Variants in ANKRD60 observed in about 807,000 individuals in gnomAD.
ANKRD60 encodes ankyrin repeat domain 60, also known as ankyrin repeat domain-containing protein 60.
ANKRD60 carries 24 observed loss-of-function variants against 21.3 expected under a neutral mutation model. That is an observed-to-expected ratio of 1.13 (90% CI 0.82 to 1.59). The LOEUF is 1.59. Ranked by LOEUF, ANKRD60 falls within the 40% of genes most tolerant of loss-of-function variation. The pLI is 0.00. For missense variants in ANKRD60, 490 were observed against 466.7 expected (o/e 1.05, Z -0.46); for synonymous variants, 182 against 199.4 (o/e 0.91, Z 0.74).
At chr20:58,220,283 T>C (rs1331554805) in intron 3 of ANKRD60, among the ~76,000 whole-genome samples, 1 of 152,198 alleles carries the variant, frequency 6.6e-6, no homozygotes, top group Non-Finnish European at 1.5e-5. Context: ...TTCTCCATTG[T>C]TCTTGAGGGT....
At chr20:58,218,905 G>T in intron 3 of ANKRD60, 100 bp from the exon 4 acceptor site, 1 of 1,121,226 alleles carries the variant, frequency 8.9e-7, no homozygotes, top group Non-Finnish European at 1.2e-6. Context: ...AGGTCCTGCT[G>T]CCTGGCCCAG....
In ANKRD60 at chr20:58,226,192, C is replaced by T. The variant is rs140318058; in HGVS notation, c.430+2032G>A. Among the ~76,000 whole-genome samples the T allele has an allele frequency of 8.1e-3, 1,240 of 152,228 alleles. 20 individuals carry two copies. Among genetic ancestry groups the T allele is most frequent in the African/African-American group, 0.029 (1,185 of 41,528 alleles). ...AGATAGCAGCATTTGCTTTGAGACT[C>T]GGGTTCCTGTGAGGGCAGTTTACTC... On this transcript the variant is annotated intron_variant, in intron 1 of 3. Coordinates refer to ENST00000457363, the Ensembl canonical transcript of ANKRD60.
At chr20:58,220,489 CAGAGAGAGAGAGAGAGAG>C (rs11469843) in intron 3 of ANKRD60, among the ~76,000 whole-genome samples, 3 of 144,266 alleles carry the variant, frequency 2.1e-5, no homozygotes, top group South Asian at 2.3e-4. Context: ...TCAAGAGAGC[CAGAGAGAGAGAGAGAGAG>C]AGAGAGAGAG....
At chr20:58,216,659 C>T (rs746959525), downstream of ANKRD60, among the ~76,000 whole-genome samples, 1 of 152,176 alleles carries the variant, frequency 6.6e-6, no homozygotes, top group Non-Finnish European at 1.5e-5. Context: ...TGGGTACAGC[C>T]ACGTACACTG....
rs372216633 is a variant in ANKRD60, at chr20:58,228,187, T to C, written c.430+37A>G. On this transcript the variant is annotated intron_variant, in intron 1 of 3. Transcript: ENST00000457363. The surrounding 1 kb of genome is among the most constrained non-coding windows in gnomAD (Gnocchi z 5.3). ...ACTTCAGAAGTGGACAGGGTGCCCT[T>C]GCATGTGGCCAGGGAAGGAGTCAGG... 1.5e-4 allele frequency: 220 copies of C among 1,509,008 alleles called. 1 individual carries two copies. The African/African-American group carries it at 2.9e-3, about 20-fold the overall frequency. The allele number at this position is 1,509,008 out of a possible 1,614,324, so 93.5% of individuals were successfully genotyped here.
At position 58,228,604 on chromosome 20, in the gene ANKRD60, C is replaced by A; in HGVS notation, c.50G>T (p.Gly17Val). 2 of 1,067,514 alleles carry A rather than the reference C, an allele frequency of 1.9e-6. No homozygotes were observed. Among genetic ancestry groups the A allele is most frequent in the Non-Finnish European group, 2.3e-6 (2 of 882,606 alleles). 66.1% of individuals were successfully genotyped at this position (1,067,514 alleles called of 1,614,324 possible). A position where few individuals can be genotyped will look rare whatever the true frequency, so the allele number is the denominator to read the frequency against. ...AGTTGGCCCCGCCGCCCGCGCTCCG[C>A]CCGCCCCCGCCGCCGCCCGCCGCAT... The change falls in exon 1 of 4, where the codon GGC becomes GTC. Residue 17 changes from glycine (G) to valine (V), a missense_variant. Gly to Val is a moderately radical substitution (Grantham distance 109, BLOSUM62 -3). Transcript: ENST00000457363. The surrounding 1 kb of genome is among the most constrained non-coding windows in gnomAD (Gnocchi z 5.3).
At chr20:58,222,804 C>T (rs1984287171) in intron 2 of ANKRD60, among the ~76,000 whole-genome samples, 1 of 152,214 alleles carries the variant, frequency 6.6e-6, no homozygotes, top group Admixed American at 6.5e-5. Flanking sequence ...GCCTCGACTC[C>T]TTTGCGGGGA....
chr20:58,216,291 T>A (rs1984134256), downstream of ANKRD60, among the ~76,000 whole-genome samples: 1 of 152,210 alleles, frequency 6.6e-6, no homozygotes, highest in African/African-American at 2.4e-5. Context: ...GTTTGGGACC[T>A]GCCCAATGTC....
At chr20:58,221,077 T>C (rs987546331) in intron 3 of ANKRD60, among the ~76,000 whole-genome samples, 1 of 152,004 alleles carries the variant, frequency 6.6e-6, no homozygotes, top group South Asian at 2.1e-4. Context: ...GTGTCTTGGG[T>C]CCTGAAATTT....
chr20:58,226,824 G>A (rs1984372502), intron 1 of ANKRD60, among the ~76,000 whole-genome samples: 1 of 152,070 alleles, frequency 6.6e-6, no homozygotes, highest in Non-Finnish European at 1.5e-5. Flanking sequence ...TGAATTTTGG[G>A]GTCCATATGT....
intron 1 of ANKRD60, among the ~76,000 whole-genome samples, chr20:58,227,063 G>T (rs1043344806): frequency 2.6e-5 from 4 of 152,192 alleles, no homozygotes; most frequent in African/African-American, 9.7e-5. Context: ...GATATATGGG[G>T]TCTTGAGGCA....
chr20:58,220,683 AGTGTGTGTGTGTGTGTGTGT>A (rs36015489), intron 3 of ANKRD60, among the ~76,000 whole-genome samples: 63,634 of 148,386 alleles, frequency 0.43, 14,630 homozygotes, highest in Admixed American at 0.51. Context: ...GGTTTTTTCT[AGTGTGTGTGTGTGTGTGTGT>A]GTGTGTGTGT....
chr20:58,223,236 C>G, intron 1 of ANKRD60, 54 bp from the exon 2 acceptor site: 2 of 1,431,850 alleles, frequency 1.4e-6, no homozygotes, highest in Non-Finnish European at 1.9e-6. Context: ...AGATAAACTA[C>G]TACATTGGTT....
chr20:58,220,489 CAGAGAGAGAG>C lies in ANKRD60; in HGVS notation c.727+839_727+848del, dbSNP rs11469843. On this transcript the variant is annotated intron_variant, in intron 3 of 3. Coordinates refer to ENST00000457363, the Ensembl canonical transcript of ANKRD60. ...TTCTGTTTCTATCTATCAAGAGAGC[CAGAGAGAGAG>C]AGAGAGAGAGAGAGAGAGAGAGAGT... Among the ~76,000 whole-genome samples the C allele has an allele frequency of 4.8e-5, 7 of 144,372 alleles. No individual in the cohort carries two copies. The East Asian group carries it at 6.1e-4, about 13-fold the overall frequency. 94.7% of individuals were successfully genotyped at this position (144,372 alleles called of 152,430 possible). A position where few individuals can be genotyped will look rare whatever the true frequency, so the allele number is the denominator to read the frequency against.
chr20:58,228,461 G>C lies in ANKRD60; in HGVS notation c.193C>G (p.Pro65Ala). Residue 65 changes from proline to alanine, a missense_variant, in exon 1 of 4, where the codon CCC (proline) becomes GCC (alanine). Coordinates refer to ENST00000457363, the Ensembl canonical transcript of ANKRD60. This position sits in a 1 kb window ranked among gnomAD's most constrained non-coding sequence, Gnocchi z 5.3. ...CTCCGGCCGCGGGCACAGGCCAGGG[G>C]CTGCGCGGGGAGGGCCCGCGAGTCC... is the stretch of plus-strand genomic sequence containing the variant. 5 of 1,530,578 alleles carry C rather than the reference G, an allele frequency of 3.3e-6. No individual in the cohort carries two copies. The highest frequency in any genetic ancestry group is 4.4e-6 in the Non-Finnish European group (5 of 1,143,024). 94.8% of individuals were successfully genotyped at this position (1,530,578 alleles called of 1,614,324 possible).
chr20:58,224,026 T>C (rs1414942298), intron 1 of ANKRD60, among the ~76,000 whole-genome samples: 1 of 151,796 alleles, frequency 6.6e-6, no homozygotes, highest in African/African-American at 2.4e-5. Context: ...CACCTGAGCC[T>C]AGGAGACAGA....
At chr20:58,217,436 G>GAA (rs372536329), downstream of ANKRD60, among the ~76,000 whole-genome samples, 16 of 144,880 alleles carry the variant, frequency 1.1e-4, no homozygotes, top group African/African-American at 3.8e-4. Flanking sequence ...CTCAAAAAAA[G>GAA]AAAAAAAAAA....
chr20:58,223,972 C>A (rs552907479), intron 1 of ANKRD60, among the ~76,000 whole-genome samples: 1 of 152,216 alleles, frequency 6.6e-6, no homozygotes, highest in African/African-American at 2.4e-5. Context: ...CCCGATGGCT[C>A]ACACCTGTGG....
downstream of ANKRD60, among the ~76,000 whole-genome samples, chr20:58,216,589 C>T (rs1474209937): frequency 6.6e-6 from 1 of 152,240 alleles, no homozygotes; most frequent in Non-Finnish European, 1.5e-5. Context: ...TCAGTTTTGA[C>T]ATAGTTGATG....
Sources: allele counts gnomAD v4.1 joint callset (sites outside exome capture counted in the v4.1 genomes callset), GRCh38; gene constraint gnomAD v4.1.1; non-coding constraint Gnocchi (gnomAD v3.1); transcripts MANE v1.5; gene names NCBI Gene and HGNC (gene_info 2026-07-23, HGNC 2026-07-21).